The following PROM1 variants were observed in gnomAD, a reference collection of about 807,000 sequenced individuals.
PROM1 encodes prominin-1.
A neutral mutation model predicts 116.9 loss-of-function variants in PROM1; 105 were observed. The ratio of observed to expected loss-of-function variants is 0.90; its 90% CI spans 0.77 to 1.06. The LOEUF is 1.06. PROM1 is among the 50% of genes least tolerant of loss of function. The pLI, the probability that PROM1 is intolerant of heterozygous loss-of-function variation, is 0.00. For missense variants in PROM1, 1,122 were observed against 1,045.2 expected (o/e 1.07, Z -1.01); for synonymous variants, 393 against 387.0 (o/e 1.02, Z -0.18).
Position 15,968,619 on chromosome 4 carries a change from G to A in PROM1, c.*774C>T, listed in dbSNP as rs1185985210. 3 of 152,136 alleles carry A rather than the reference G, an allele frequency of 2.0e-5. No individual in the cohort carries two copies. Among genetic ancestry groups the A allele is most frequent in the African/African-American group, 7.2e-5 (3 of 41,424 alleles). 9.4% of individuals were successfully genotyped at this position (152,136 alleles called of 1,614,324 possible). A position where few individuals can be genotyped will look rare whatever the true frequency, so the allele number is the denominator to read the frequency against. ...CTCTGTTAAACTGTACACCGTAATT[G>A]GCATCTGTTAAAACAACTCCACTTT... On this transcript the variant is annotated 3_prime_UTR_variant, in exon 28 of 28. Transcript: ENST00000447510.
intron 8 of PROM1, 114 bp downstream of exon 8, chr4:16,023,212 G>A (rs1268520852): frequency 1.1e-6 from 1 of 878,612 alleles, no homozygotes; most frequent in Non-Finnish European, 1.9e-6. Flanking sequence ...CATGGCCACG[G>A]ACGGTGGCTC....
intron 13 of PROM1, 72 bp downstream of exon 13, chr4:16,006,466 A>G (rs538818071): frequency 7.1e-5 from 104 of 1,470,106 alleles, no homozygotes; most frequent in Middle Eastern, 2.5e-4. Flanking sequence ...GGGTTCATGT[A>G]ACACCAGAGT....
intron 16 of PROM1, among the ~76,000 whole-genome samples, chr4:15,992,735 A>G (rs1164651666): frequency 6.6e-6 from 1 of 152,156 alleles, no homozygotes; most frequent in Non-Finnish European, 1.5e-5. Context: ...CTCTTTCTCT[A>G]TGGGTCCCAT....
chr4:16,054,293 G>A (rs559982717), intron 2 of PROM1, among the ~76,000 whole-genome samples: 4 of 151,930 alleles, frequency 2.6e-5, no homozygotes, highest in East Asian at 1.9e-4. Context: ...CCTTTTACGC[G>A]GCCTCCATCA....
At chr4:15,979,851 T>A (rs1717300002) in intron 25 of PROM1, 30 bp downstream of exon 25, 1 of 1,439,988 alleles carries the variant, frequency 6.9e-7, no homozygotes, top group Admixed American at 2.0e-5. Context: ...CCATCCCATC[T>A]AGGAATATAG....
At chr4:16,060,310 CTT>C (rs5856330) in intron 2 of PROM1, among the ~76,000 whole-genome samples, 1 of 146,718 alleles carries the variant, frequency 6.8e-6, no homozygotes, top group Non-Finnish European at 1.5e-5. Context: ...CAAATAATTC[CTT>C]TTTTTTTTTT....
chr4:15,973,089 T>C (rs547877337), intron 26 of PROM1, among the ~76,000 whole-genome samples: 2 of 152,310 alleles, frequency 1.3e-5, no homozygotes, highest in African/African-American at 4.8e-5. Context: ...AGCTGCTGTT[T>C]ATGTAGCATT....
chr4:16,014,176 G>A (rs1727681319), intron 10 of PROM1, among the ~76,000 whole-genome samples: 1 of 152,110 alleles, frequency 6.6e-6, no homozygotes, highest in Admixed American at 6.5e-5. Context: ...GTCTGCCAGG[G>A]AAAAGTACAG....
In PROM1 at chr4:16,018,355, T is replaced by C. The variant is rs766654108; in HGVS notation, c.970A>G (p.Ser324Gly). 1.5e-5 allele frequency: 24 copies of C among 1,613,446 alleles called. No individual in the cohort carries two copies. The East Asian group carries it at 5.1e-4, about 34-fold the overall frequency. Residue 324 changes from serine to glycine, a missense_variant, in exon 9 of 28, where the codon AGC becomes GGC. Physicochemically the swap from Ser to Gly is moderately conservative, Grantham distance 56. Coordinates refer to ENST00000447510, the MANE Select transcript of PROM1 (RefSeq NM_006017.3). ...ETCNSIRLSL[S>G]QLNSNPELRQ... is the part of the protein sequence containing the mutation. ...AGTTCAGGGTTGCTATTCAGCTGGC[T>C]TAGAGACAATCTGATGCTGTTGCAG...
chr4:16,065,862 GA>G (rs1262999489), intron 2 of PROM1, among the ~76,000 whole-genome samples: 2 of 152,126 alleles, frequency 1.3e-5, no homozygotes, highest in Non-Finnish European at 1.5e-5. Context: ...ACTTTACCTG[GA>G]AAAAAGTTCT....
At chr4:16,032,727 G>A (rs983962465) in intron 5 of PROM1, among the ~76,000 whole-genome samples, 1 of 152,194 alleles carries the variant, frequency 6.6e-6, no homozygotes, top group Non-Finnish European at 1.5e-5. Flanking sequence ...GAAAACTTTT[G>A]AAAGCAGCAG....
chr4:15,986,435 A>T (rs562297536), intron 20 of PROM1, among the ~76,000 whole-genome samples: 36 of 152,072 alleles, frequency 2.4e-4, no homozygotes, highest in African/African-American at 8.7e-4. Context: ...TACAAAACCC[A>T]TAGTCTTTGC....
chr4:15,983,828 GA>G (rs1248028436), intron 23 of PROM1, among the ~76,000 whole-genome samples: 1 of 152,218 alleles, frequency 6.6e-6, no homozygotes. Flanking sequence ...ATCTGTTGAG[GA>G]GGGAACAGAG....
chr4:15,997,511 G>A (rs1722642332), intron 15 of PROM1, among the ~76,000 whole-genome samples: 1 of 151,906 alleles, frequency 6.6e-6, no homozygotes. Context: ...CCCGGCTGGA[G>A]TGCAGTGGCA....
intron 7 of PROM1, among the ~76,000 whole-genome samples, chr4:16,023,628 C>G (rs753860970): frequency 6.6e-5 from 10 of 152,188 alleles, no homozygotes; most frequent in Non-Finnish European, 1.0e-4. Context: ...TACAGACTCA[C>G]CAGGAGCATG....
At chr4:15,976,008 T>C (rs1716026950) in intron 26 of PROM1, among the ~76,000 whole-genome samples, 1 of 152,202 alleles carries the variant, frequency 6.6e-6, no homozygotes, top group Non-Finnish European at 1.5e-5. Flanking sequence ...CTGTGGACCG[T>C]TAAGGAAGGA....
intron 2 of PROM1, among the ~76,000 whole-genome samples, chr4:16,045,654 G>C (rs1578195672): frequency 6.6e-6 from 1 of 151,842 alleles, no homozygotes; most frequent in East Asian, 1.9e-4. Context: ...TTTTTTTTCA[G>C]CAGAAAGTAA....
At chr4:15,998,629 T>C (rs1256254086) in intron 14 of PROM1, 141 bp from the exon 15 acceptor site, 1 of 852,236 alleles carries the variant, frequency 1.2e-6, no homozygotes, top group Non-Finnish European at 1.6e-6. Context: ...AACTTATAAC[T>C]AGAAAATAAT....
chr4:16,076,285 G>C, intron 1 of PROM1, 167 bp from the exon 2 acceptor site: 2 of 191,414 alleles, frequency 1.0e-5, no homozygotes, highest in Admixed American at 1.1e-4. Flanking sequence ...CAGGGCAGGT[G>C]CTGGCATCAA....
Sources: gnomAD v4.1 joint callset for allele counts (sites outside exome capture counted in the v4.1 genomes callset) on GRCh38, gnomAD v4.1.1 for gene constraint, MANE v1.5 for transcripts, NCBI Gene and HGNC (gene_info 2026-07-23, HGNC 2026-07-21) for gene names.